The following CADPS variants were observed in gnomAD, a reference collection of about 807,000 sequenced individuals.
CADPS encodes the protein calcium-dependent secretion activator 1.
CADPS carries 57 observed loss-of-function variants against 167.3 expected under a neutral mutation model. The ratio of observed to expected loss-of-function variants is 0.34; its 90% CI spans 0.28 to 0.42. The LOEUF is 0.42. Ranked by LOEUF, CADPS falls within the 20% of genes least tolerant of loss-of-function variation. The probability of loss-of-function intolerance (pLI) is 1.00; values close to 1 mark genes in which losing one functional copy is unlikely to be tolerated. For synonymous variants in CADPS, 676 were observed against 635.3 expected, an observed-to-expected ratio of 1.06 and a Z score of -0.96; for missense variants, 1,414 against 1,738.1, an observed-to-expected ratio of 0.81 and a Z score of 3.32.
intron 6 of CADPS, among the ~76,000 whole-genome samples, chr3:62,645,283 A>G (rs2150060953): frequency 6.6e-6 from 1 of 152,314 alleles, no homozygotes; most frequent in Admixed American, 6.5e-5. Flanking sequence ...AAGATCTCCC[A>G]AATCACCACT....
chr3:62,628,275 C>T (rs2064507146), intron 6 of CADPS, among the ~76,000 whole-genome samples: 1 of 152,248 alleles, frequency 6.6e-6, no homozygotes, highest in African/African-American at 2.4e-5. Flanking sequence ...TGGGAGAATG[C>T]AGATGAGATG....
chr3:62,582,050 T>G (rs1362685225), intron 8 of CADPS, among the ~76,000 whole-genome samples: 1 of 152,200 alleles, frequency 6.6e-6, no homozygotes, highest in East Asian at 1.9e-4. Flanking sequence ...AGAACCACAG[T>G]GCACACCAAT....
chr3:62,691,481 C>G (rs938879538), intron 3 of CADPS, among the ~76,000 whole-genome samples: 1 of 151,948 alleles, frequency 6.6e-6, no homozygotes, highest in African/African-American at 2.4e-5. Context: ...TAGCCTAAAA[C>G]TTCTCTGAAA....
chr3:62,730,249 C>T (rs2077516854), intron 3 of CADPS, among the ~76,000 whole-genome samples: 1 of 152,098 alleles, frequency 6.6e-6, no homozygotes, highest in African/African-American at 2.4e-5. Context: ...TGATTTAGCC[C>T]CTCCCACATC....
intron 1 of CADPS, among the ~76,000 whole-genome samples, chr3:62,862,059 C>T (rs1577508754): frequency 6.7e-6 from 1 of 149,094 alleles, no homozygotes; most frequent in Admixed American, 6.7e-5. Context: ...CTCCAAGGCG[C>T]TAAAAAAAAA....
At chr3:62,480,869 G>A (rs745664830) in intron 22 of CADPS, among the ~76,000 whole-genome samples, 36 of 152,248 alleles carry the variant, frequency 2.4e-4, no homozygotes, top group Admixed American at 7.2e-4. Flanking sequence ...AGGGGTGCTC[G>A]ATCTTCTTGC....
intron 3 of CADPS, among the ~76,000 whole-genome samples, chr3:62,737,656 G>A (rs1259291223): frequency 2.6e-5 from 4 of 152,120 alleles, no homozygotes; most frequent in Non-Finnish European, 1.5e-5. Context: ...AGATAGCCCA[G>A]CCTTCTGAAT....
Position 62,554,052 on chromosome 3 carries a change from T to C in CADPS, c.1753+3353A>G, listed in dbSNP as rs1369726871. On this transcript the variant is annotated intron_variant, in intron 10 of 29. Coordinates refer to ENST00000383710, the MANE Select transcript of CADPS (RefSeq NM_003716.4). ...AACTTGCATGGCCAAAGTCCATTTA[T>C]GAGGGTAAAAAAGGTCTTTATGAGT... 2.6e-5 allele frequency among the ~76,000 whole-genome samples: 4 copies of C among 152,348 alleles called. No individual in the cohort carries two copies. In the East Asian group the frequency reaches 5.8e-4, roughly 22 times the overall value.
At chr3:62,528,180 A>G (rs1267839202) in intron 13 of CADPS, among the ~76,000 whole-genome samples, 5 of 152,194 alleles carry the variant, frequency 3.3e-5, no homozygotes, top group Non-Finnish European at 5.9e-5. Flanking sequence ...CACACCATAT[A>G]CAAGTGCTAA....
At position 62,654,550 on chromosome 3, in the gene CADPS, A is replaced by C. The variant is rs2150292694; in HGVS notation, c.970-3470T>G. 1.3e-5 allele frequency among the ~76,000 whole-genome samples: 2 copies of C among 152,310 alleles called. 1 individual carries two copies. The highest frequency in any genetic ancestry group is 4.1e-4 in the South Asian group (2 of 4,834). The stretch of plus-strand genomic sequence containing the variant: ...GGTGTATACAACTTTACATAGCCAC[A>C]CAATATTTCCTCATATTTCTTGGAA... On this transcript the variant is annotated intron_variant, in intron 4 of 29. Coordinates refer to ENST00000383710, the MANE Select transcript of CADPS (RefSeq NM_003716.4).
At chr3:62,498,115 G>A (rs1190022789) in intron 18 of CADPS, 1 of 456,620 alleles carries the variant, frequency 2.2e-6, no homozygotes, top group Non-Finnish European at 4.4e-6. Context: ...TATGACAGCA[G>A]GTGGCTGGTT....
intron 21 of CADPS, among the ~76,000 whole-genome samples, chr3:62,483,455 GAAACA>G (rs2062326227): frequency 6.6e-6 from 1 of 152,082 alleles, no homozygotes; most frequent in Non-Finnish European, 1.5e-5. Context: ...TCTCCCTCTA[GAAACA>G]GATTATTCTT....
At chr3:62,447,135 C>G (rs2057342477) in intron 26 of CADPS, among the ~76,000 whole-genome samples, 1 of 152,156 alleles carries the variant, frequency 6.6e-6, no homozygotes, top group Admixed American at 6.5e-5. Context: ...TCTTTCAGTG[C>G]CAGAACTCGT....
At chr3:62,826,919 T>C (rs1009512095) in intron 1 of CADPS, among the ~76,000 whole-genome samples, 30 of 152,204 alleles carry the variant, frequency 2.0e-4, no homozygotes, top group African/African-American at 6.8e-4. Flanking sequence ...ATCTGCTGGT[T>C]GCTGCCTTTT....
chr3:62,537,733 T>C (rs201687480), intron 11 of CADPS, among the ~76,000 whole-genome samples: 2 of 145,920 alleles, frequency 1.4e-5, no homozygotes, highest in African/African-American at 5.0e-5. Context: ...CCCAGGCAGC[T>C]TTTTTTTTTT....
chr3:62,497,810 T>A (rs182825228), intron 18 of CADPS, among the ~76,000 whole-genome samples: 1 of 152,336 alleles, frequency 6.6e-6, no homozygotes, highest in East Asian at 1.9e-4. Context: ...TTGATACTCA[T>A]CTGCTGTAAT....
At chr3:62,462,541 G>C (rs1019970808) in intron 26 of CADPS, among the ~76,000 whole-genome samples, 12 of 152,226 alleles carry the variant, frequency 7.9e-5, no homozygotes, top group African/African-American at 2.9e-4. Flanking sequence ...TCAGCTTTCT[G>C]GGGGGCAGAG....
In CADPS at chr3:62,433,397, CTTGA is replaced by C. The variant is rs1287766997; in HGVS notation, c.3777+4703_3777+4706del. 6.6e-6 allele frequency among the ~76,000 whole-genome samples: 1 copy of C among 152,098 alleles called. No individual in the cohort carries two copies. Among genetic ancestry groups the C allele is most frequent in the African/African-American group, 2.4e-5 (1 of 41,408 alleles). On this transcript the variant is annotated intron_variant, in intron 28 of 29. Coordinates refer to ENST00000383710, the MANE Select transcript of CADPS (RefSeq NM_003716.4). This position sits in a 1 kb window ranked among gnomAD's most constrained non-coding sequence, Gnocchi z 4.7. Reference sequence around the variant, plus strand: ...GCCCCTTCCGAAGCTGACCACACTGCTTGATTAAGTTCTTACGAGGTGGTTTGGT... The same window carrying C: ...GCCCCTTCCGAAGCTGACCACACTGCTTAAGTTCTTACGAGGTGGTTTGGT...
chr3:62,732,937 A>G (rs2152164185), intron 3 of CADPS, among the ~76,000 whole-genome samples: 1 of 152,308 alleles, frequency 6.6e-6, no homozygotes, highest in African/African-American at 2.4e-5. Flanking sequence ...TTCAGTTGTG[A>G]TGGAGGGTGT....
Sources: allele counts gnomAD v4.1 joint callset (sites outside exome capture counted in the v4.1 genomes callset), GRCh38; gene constraint gnomAD v4.1.1; non-coding constraint Gnocchi (gnomAD v3.1); transcripts MANE v1.5; gene names NCBI Gene and HGNC (gene_info 2026-07-23, HGNC 2026-07-21).